Variants in ZWILCH observed in about 807,000 individuals in gnomAD.
ZWILCH encodes protein zwilch homolog.
Under a neutral mutation model 79.9 loss-of-function variants are expected in ZWILCH, and 74 were observed. That is an observed-to-expected ratio of 0.93 (90% CI 0.77 to 1.12). The LOEUF is 1.12. Ranked by LOEUF, ZWILCH falls within the 50% of genes most tolerant of loss-of-function variation. The pLI is 0.00. For missense variants in ZWILCH, 694 were observed against 687.5 expected (o/e 1.01, Z -0.11); for synonymous variants, 241 against 228.2 (o/e 1.06, Z -0.51).
chr15:66,529,055 G>A, intron 11 of ZWILCH, 98 bp downstream of exon 11: 1 of 917,018 alleles, frequency 1.1e-6, no homozygotes, highest in Non-Finnish European at 1.7e-6. Flanking sequence ...GTTTTGTGGG[G>A]AAGTCTGGTT....
Position 66,515,605 on chromosome 15 carries a change from A to C in ZWILCH, c.281A>C (p.Glu94Ala), listed in dbSNP as rs1385158908. The C allele has an allele frequency of 6.2e-7, 1 of 1,613,910 alleles. No homozygotes were observed. Among genetic ancestry groups the C allele is most frequent in the Non-Finnish European group, 8.5e-7 (1 of 1,179,930 alleles). ...GCCATATCTGATTTCTCTACTGGCG[A>C]AAATGTTGGACCACTTGCTTTACCA... ...ETAISDFSTGENVGPLALPVG... is the reference protein window; with the variant it reads ...ETAISDFSTGANVGPLALPVG... Residue 94 changes from glutamate (E) to alanine (A), a missense_variant, in exon 4 of 19, where the codon GAA becomes GCA. Glu to Ala is a moderately radical substitution (Grantham distance 107, BLOSUM62 -1). Coordinates refer to ENST00000307897, the MANE Select transcript of ZWILCH (RefSeq NM_017975.5).
Position 66,546,720 on chromosome 15 carries a change from A to G in ZWILCH, c.*26+15A>G. 7.0e-7 allele frequency: 1 copy of G among 1,423,086 alleles called. No homozygotes were observed. Among genetic ancestry groups the G allele is most frequent in the Non-Finnish European group, 9.6e-7 (1 of 1,038,468 alleles). 88.2% of individuals were successfully genotyped at this position (1,423,086 alleles called of 1,614,324 possible). ...TCCTCTATAAGGTATTTATGTTCACATTTTAGTCTCTTTGTCAAATACTTT... is the reference window on the plus strand; with the variant it reads ...TCCTCTATAAGGTATTTATGTTCACGTTTTAGTCTCTTTGTCAAATACTTT... On this transcript the variant is annotated intron_variant, in intron 18 of 18. Transcript: ENST00000307897.
intron 2 of ZWILCH, among the ~76,000 whole-genome samples, chr15:66,511,588 T>C (rs999939854): frequency 3.9e-5 from 6 of 152,162 alleles, no homozygotes; most frequent in African/African-American, 7.2e-5. Flanking sequence ...CACTGTGAGA[T>C]GGTAAAAATA....
intron 17 of ZWILCH, among the ~76,000 whole-genome samples, chr15:66,543,489 C>T (rs1415066953): frequency 2.0e-5 from 3 of 152,120 alleles, no homozygotes; most frequent in Non-Finnish European, 4.4e-5. Flanking sequence ...CATTGGCTCA[C>T]GATTTTGTAA....
intron 14 of ZWILCH, among the ~76,000 whole-genome samples, chr15:66,534,690 G>T (rs977295530): frequency 6.6e-6 from 1 of 151,998 alleles, no homozygotes; most frequent in African/African-American, 2.4e-5. Flanking sequence ...AGATAAAAAC[G>T]TGGATACCTG....
intron 2 of ZWILCH, 102 bp from the exon 3 acceptor site, chr15:66,513,886 A>G: frequency 1.1e-6 from 1 of 900,904 alleles, no homozygotes; most frequent in Non-Finnish European, 1.6e-6. Context: ...TCTGTCTCTT[A>G]AGGAAATTTT....
Position 66,529,513 on chromosome 15 carries a change from C to T in ZWILCH, c.1095C>T (p.Asp365=), listed in dbSNP as rs1285851999. 4 of 1,613,776 alleles carry T rather than the reference C, an allele frequency of 2.5e-6. No homozygotes were observed. The highest frequency in any genetic ancestry group is 3.3e-5 in the Admixed American group (2 of 59,962). ...KMSSSVISYQ[D]LVKCFTLIIQ... is the part of the protein sequence containing the mutation. ...TCCAAGGTGTGATTTCATACCAAGA[C>T]TTGGTGAAGTGTTTCACATTGATCA... is the stretch of plus-strand genomic sequence containing the variant. Residue 365 remains aspartate, a synonymous_variant, in exon 12 of 19, where the codon GAC becomes GAT. Transcript: ENST00000307897.
At chr15:66,541,881 A>G (rs1895201362) in intron 17 of ZWILCH, among the ~76,000 whole-genome samples, 1 of 152,232 alleles carries the variant, frequency 6.6e-6, no homozygotes, top group African/African-American at 2.4e-5. Flanking sequence ...ATAACTTGCA[A>G]AAAATTTTTC....
At chr15:66,529,079 A>G (rs1326617208) in intron 11 of ZWILCH, 122 bp downstream of exon 11, 2 of 709,230 alleles carry the variant, frequency 2.8e-6, no homozygotes, top group African/African-American at 1.8e-5. Flanking sequence ...AACTTTATCT[A>G]ATTCATTTCT....
intron 5 of ZWILCH, among the ~76,000 whole-genome samples, chr15:66,519,477 C>T (rs745890507): frequency 5.3e-5 from 8 of 152,166 alleles, no homozygotes; most frequent in Admixed American, 2.6e-4. Context: ...TATTTTGAGA[C>T]GGAGTCTTGC....
intron 2 of ZWILCH, 111 bp from the exon 3 acceptor site, chr15:66,513,877 C>CT (rs1210638984): frequency 8.7e-6 from 7 of 803,990 alleles, no homozygotes; most frequent in Non-Finnish European, 1.3e-5. Flanking sequence ...GGCCGAGACT[C>CT]TGTCTCTTAA....
In ZWILCH at chr15:66,548,546, G is replaced by C; in HGVS notation, c.*222G>C. ...AGAACAGCAGTGATGAGGACACAGA[G>C]GGAGCAGACAGTGGGTACCACGATC... On this transcript the variant is annotated 3_prime_UTR_variant, in exon 19 of 19. Coordinates refer to ENST00000307897, the MANE Select transcript of ZWILCH (RefSeq NM_017975.5). The C allele has an allele frequency of 6.2e-7, 1 of 1,613,772 alleles. No homozygotes were observed. Among genetic ancestry groups the C allele is most frequent in the East Asian group, 2.2e-5 (1 of 44,866 alleles).
At chr15:66,544,944 A>T (rs1380829280) in intron 17 of ZWILCH, among the ~76,000 whole-genome samples, 373 of 133,288 alleles carry the variant, frequency 2.8e-3, no homozygotes, top group African/African-American at 2.5e-3. Context: ...GGGTTTCACC[A>T]TGTTGGTCAG....
chr15:66,524,720 C>T (rs1268330679), intron 8 of ZWILCH, among the ~76,000 whole-genome samples: 1 of 152,192 alleles, frequency 6.6e-6, no homozygotes, highest in African/African-American at 2.4e-5. Flanking sequence ...CCCTTACCAT[C>T]TAGCATAGTA....
chr15:66,507,089 T>G (rs955516032), intron 1 of ZWILCH, among the ~76,000 whole-genome samples: 1 of 152,072 alleles, frequency 6.6e-6, no homozygotes, highest in Non-Finnish European at 1.5e-5. Flanking sequence ...TCTCAATCTC[T>G]TGACCTCGTG....
chr15:66,538,736 A>G (rs1207158096), intron 16 of ZWILCH, among the ~76,000 whole-genome samples: 1 of 151,998 alleles, frequency 6.6e-6, no homozygotes, highest in Non-Finnish European at 1.5e-5. Flanking sequence ...GCTGTCTTGA[A>G]CCTATCTCCT....
At chr15:66,538,982 G>A (rs1895108718) in intron 16 of ZWILCH, among the ~76,000 whole-genome samples, 1 of 152,076 alleles carries the variant, frequency 6.6e-6, no homozygotes, top group African/African-American at 2.4e-5. Flanking sequence ...CAGCTTCTCT[G>A]AGCTTCAGAC....
intron 8 of ZWILCH, among the ~76,000 whole-genome samples, chr15:66,524,146 T>C (rs779912897): frequency 9.9e-5 from 15 of 152,216 alleles, no homozygotes; most frequent in Non-Finnish European, 1.6e-4. Flanking sequence ...TTTTCACATG[T>C]CTTGGGTGGA....
At chr15:66,505,862 A>T (rs1369594724) in intron 1 of ZWILCH, 1 of 171,684 alleles carries the variant, frequency 5.8e-6, no homozygotes, top group African/African-American at 2.4e-5. Flanking sequence ...AAACACCTTT[A>T]TTTTTTCACT....
Sources: gnomAD v4.1 joint callset for allele counts (sites outside exome capture counted in the v4.1 genomes callset) on GRCh38, gnomAD v4.1.1 for gene constraint, MANE v1.5 for transcripts, NCBI Gene and HGNC (gene_info 2026-07-23, HGNC 2026-07-21) for gene names.